The following MAML3 variants were observed in gnomAD, a reference collection of about 807,000 sequenced individuals.
MAML3 encodes mastermind-like protein 3.
MAML3 carries 27 observed loss-of-function variants against 101.9 expected under a neutral mutation model. The ratio of observed to expected loss-of-function variants is 0.27; its 90% CI spans 0.20 to 0.37. The LOEUF is 0.37. Ranked by LOEUF, MAML3 falls within the 10% of genes least tolerant of loss-of-function variation. The pLI is 1.00. For synonymous variants in MAML3, 501 were observed against 555.9 expected (o/e 0.90, Z 1.39); for missense variants, 1,316 against 1,444.9 (o/e 0.91, Z 1.45).
Position 139,719,610 on chromosome 4 carries a change from T to C in MAML3, c.3130A>G (p.Arg1044Gly), listed in dbSNP as rs1234048793. 1.9e-6 allele frequency: 3 copies of C among 1,612,782 alleles called. No individual in the cohort carries two copies. The highest frequency in any genetic ancestry group is 1.3e-5 in the African/African-American group (1 of 74,926). ...LPGQQGTSQA[R>G]PMVMSGLSQG... The stretch of plus-strand genomic sequence containing the variant: ...CTCAGGCCAGACATGACCATTGGCC[T>C]CGCCTGGCTGGTGCCTTGCTGCCCC... The change falls in exon 5 of 5, where the codon AGG becomes GGG. Residue 1044 changes from arginine to glycine, a missense_variant. Transcript: ENST00000509479.
intron 1 of MAML3, among the ~76,000 whole-genome samples, chr4:140,082,379 C>A (rs1727872827): frequency 1.3e-5 from 2 of 152,190 alleles, no homozygotes; most frequent in Admixed American, 6.5e-5. Flanking sequence ...CACAGACACA[C>A]TGGCCAAAGC....
intron 1 of MAML3, among the ~76,000 whole-genome samples, chr4:140,011,578 T>G (rs1460834178): frequency 6.6e-6 from 1 of 151,092 alleles, no homozygotes; most frequent in Non-Finnish European, 1.5e-5. Flanking sequence ...TCTCCTGACC[T>G]CATGATCCAC....
chr4:139,860,620 G>A (rs1448547379), intron 2 of MAML3, among the ~76,000 whole-genome samples: 1 of 152,238 alleles, frequency 6.6e-6, no homozygotes, highest in Non-Finnish European at 1.5e-5. Flanking sequence ...GACTGGGCCA[G>A]GTGTGACGTC....
At chr4:140,011,566 G>A (rs987032415) in intron 1 of MAML3, among the ~76,000 whole-genome samples, 2 of 149,730 alleles carry the variant, frequency 1.3e-5, no homozygotes, top group South Asian at 2.1e-4. Context: ...GGATGGTCTC[G>A]ATCTCCTGAC....
At chr4:139,768,054 T>C (rs911155482) in intron 2 of MAML3, among the ~76,000 whole-genome samples, 1 of 152,260 alleles carries the variant, frequency 6.6e-6, no homozygotes, top group Non-Finnish European at 1.5e-5. Context: ...GCCACTCATA[T>C]GTCTTCTTTT....
chr4:140,065,063 C>T (rs1302109702), intron 1 of MAML3, among the ~76,000 whole-genome samples: 1 of 152,162 alleles, frequency 6.6e-6, no homozygotes, highest in Non-Finnish European at 1.5e-5. Context: ...GTCGTCTCTG[C>T]CTTTTCACGG....
At chr4:139,980,030 C>G (rs1283667558) in intron 1 of MAML3, among the ~76,000 whole-genome samples, 1 of 152,114 alleles carries the variant, frequency 6.6e-6, no homozygotes, top group Non-Finnish European at 1.5e-5. Context: ...GACTATCTTA[C>G]TATCTGTTTG....
At chr4:139,841,753 G>A (rs193155727) in intron 2 of MAML3, among the ~76,000 whole-genome samples, 1 of 152,356 alleles carries the variant, frequency 6.6e-6, no homozygotes, top group East Asian at 1.9e-4. Context: ...TGTCTGATAG[G>A]TGTTGCTTGG....
At chr4:139,925,250 G>A (rs1376992626) in intron 1 of MAML3, among the ~76,000 whole-genome samples, 2 of 151,890 alleles carry the variant, frequency 1.3e-5, no homozygotes, top group Admixed American at 6.5e-5. Flanking sequence ...TTTGTTTTGA[G>A]ATGGAGTCTC....
At chr4:139,841,111 A>G (rs1731353305) in intron 2 of MAML3, among the ~76,000 whole-genome samples, 1 of 152,248 alleles carries the variant, frequency 6.6e-6, no homozygotes, top group Non-Finnish European at 1.5e-5. Flanking sequence ...ATGGTCACCA[A>G]ATTTATCAAG....
At chr4:139,892,133 C>T (rs1295535534) in intron 1 of MAML3, among the ~76,000 whole-genome samples, 2 of 152,160 alleles carry the variant, frequency 1.3e-5, no homozygotes, top group African/African-American at 2.4e-5. Flanking sequence ...GTTTTGGGGT[C>T]GTCAGCCTAG....
At chr4:140,013,295 T>C (rs1001801583) in intron 1 of MAML3, among the ~76,000 whole-genome samples, 1 of 152,232 alleles carries the variant, frequency 6.6e-6, no homozygotes, top group Non-Finnish European at 1.5e-5. Flanking sequence ...GCCTGCATTC[T>C]TCCCCTTGCC....
intron 2 of MAML3, among the ~76,000 whole-genome samples, chr4:139,825,140 C>G (rs1731040204): frequency 6.6e-6 from 1 of 151,864 alleles, no homozygotes; most frequent in Non-Finnish European, 1.5e-5. Context: ...AAGACAGTGG[C>G]TTCAGAGCAA....
intron 2 of MAML3, among the ~76,000 whole-genome samples, chr4:139,775,308 G>T (rs1730072274): frequency 6.6e-6 from 1 of 152,152 alleles, no homozygotes. Flanking sequence ...GAAGAGAAAA[G>T]GCTGTGCAAA....
intron 1 of MAML3, among the ~76,000 whole-genome samples, chr4:139,975,859 C>A (rs1196616041): frequency 3.9e-5 from 6 of 152,104 alleles, no homozygotes; most frequent in Non-Finnish European, 8.8e-5. Flanking sequence ...AAATAACAAC[C>A]AGGGGCTGTT....
chr4:139,738,465 C>T (rs1235881208), intron 2 of MAML3, among the ~76,000 whole-genome samples: 5 of 152,120 alleles, frequency 3.3e-5, no homozygotes, highest in Admixed American at 3.3e-4. Context: ...ATTGCTTGAA[C>T]CTGGGAGGCG....
In MAML3 at chr4:140,054,238, G is replaced by A. The variant is rs1727314939; in HGVS notation, c.468+98622C>T. Among the ~76,000 whole-genome samples the A allele has an allele frequency of 2.0e-5, 3 of 151,562 alleles. 1 individual carries two copies. The highest frequency in any genetic ancestry group is 1.3e-4 in the Admixed American group (2 of 15,218). On this transcript the variant is annotated intron_variant, in intron 1 of 4. Transcript: ENST00000509479. ...TACAAAAACTAGCCGGGCATGGGACGCATGCCTGTAATCCCAGCTACCCGG... is the reference window on the plus strand; with the variant it reads ...TACAAAAACTAGCCGGGCATGGGACACATGCCTGTAATCCCAGCTACCCGG...
At chr4:139,960,812 C>G (rs1342328048) in intron 1 of MAML3, among the ~76,000 whole-genome samples, 1 of 152,038 alleles carries the variant, frequency 6.6e-6, no homozygotes, top group Non-Finnish European at 1.5e-5. Context: ...TGAGGAAAAC[C>G]TGGTGGCAAA....
At chr4:139,726,549 A>C (rs548636305) in intron 3 of MAML3, among the ~76,000 whole-genome samples, 1 of 152,296 alleles carries the variant, frequency 6.6e-6, no homozygotes, top group Admixed American at 6.5e-5. Flanking sequence ...CTGAGTTGAA[A>C]GGGACAAGCA....
Sources: gnomAD v4.1 joint callset for allele counts (sites outside exome capture counted in the v4.1 genomes callset) on GRCh38, gnomAD v4.1.1 for gene constraint, MANE v1.5 for transcripts, NCBI Gene and HGNC (gene_info 2026-07-23, HGNC 2026-07-21) for gene names.